Variants in AGBL4 observed in about 807,000 individuals in gnomAD.
The protein encoded by AGBL4 is AGBL carboxypeptidase 4, also known as cytosolic carboxypeptidase 6.
AGBL4 carries 58 observed loss-of-function variants against 66.4 expected under a neutral mutation model. The observed-to-expected ratio is 0.87, with a 90% CI of 0.71 to 1.09. The LOEUF is 1.09. Ranked by LOEUF, AGBL4 falls within the 50% of genes least tolerant of loss-of-function variation. The pLI is 0.00. For missense variants in AGBL4, 579 were observed against 631.0 expected (o/e 0.92, Z 0.88); for synonymous variants, 234 against 222.9 (o/e 1.05, Z -0.44).
intron 2 of AGBL4, among the ~76,000 whole-genome samples, chr1:49,711,345 T>G (rs568647372): frequency 1.3e-5 from 2 of 152,268 alleles, no homozygotes; most frequent in South Asian, 2.1e-4. Flanking sequence ...ACAACCTAAA[T>G]GCCTTTCAGT....
chr1:48,551,681 A>G (rs1644250853), intron 11 of AGBL4, among the ~76,000 whole-genome samples: 1 of 152,148 alleles, frequency 6.6e-6, no homozygotes, highest in African/African-American at 2.4e-5. Context: ...TTGGTATAAC[A>G]TCTTGTAGGT....
intron 3 of AGBL4, among the ~76,000 whole-genome samples, chr1:49,663,204 G>A (rs1646302966): frequency 6.6e-6 from 1 of 152,102 alleles, no homozygotes; most frequent in Admixed American, 6.6e-5. Flanking sequence ...AGACATAGAA[G>A]GGCAGAGACA....
At chr1:48,755,336 T>C (rs1265273204) in intron 6 of AGBL4, among the ~76,000 whole-genome samples, 2 of 152,190 alleles carry the variant, frequency 1.3e-5, no homozygotes, top group East Asian at 3.9e-4. Flanking sequence ...TCCAGACAGG[T>C]AGATTTCTTT....
intron 4 of AGBL4, among the ~76,000 whole-genome samples, chr1:49,184,342 T>G (rs1372000415): frequency 6.6e-6 from 1 of 152,180 alleles, no homozygotes; most frequent in Non-Finnish European, 1.5e-5. Flanking sequence ...AAGACTGTTT[T>G]AATCACTATA....
intron 2 of AGBL4, among the ~76,000 whole-genome samples, chr1:49,719,345 C>A (rs561880222): frequency 6.6e-6 from 1 of 152,232 alleles, no homozygotes; most frequent in East Asian, 1.9e-4. Flanking sequence ...ACAAAGTGTT[C>A]ACCTACGTGA....
chr1:49,535,070 T>C (rs904514636), intron 3 of AGBL4, among the ~76,000 whole-genome samples: 2 of 152,162 alleles, frequency 1.3e-5, no homozygotes, highest in Non-Finnish European at 2.9e-5. Flanking sequence ...TTGTCTTCAA[T>C]ATTGACACTT....
chr1:49,059,808 G>A lies in AGBL4; in HGVS notation c.378-14008C>T, dbSNP rs868123183. On this transcript the variant is annotated intron_variant, in intron 4 of 13. Coordinates refer to ENST00000371839, the MANE Select transcript of AGBL4 (RefSeq NM_032785.4). ...GGAACTTTAACATTCAGTGACGACC[G>A]ACCCTATTGGATTTCAGACTTGCAT... Among the ~76,000 whole-genome samples, 33 of 152,238 alleles carry A rather than the reference G, an allele frequency of 2.2e-4. 1 individual carries two copies. Among genetic ancestry groups the A allele is most frequent in the Non-Finnish European group, 3.8e-4 (26 of 68,028 alleles).
Position 49,755,209 on chromosome 1 carries a change from T to C in AGBL4, c.158-57772A>G, listed in dbSNP as rs557998290. 4.3e-4 allele frequency among the ~76,000 whole-genome samples: 66 copies of C among 152,320 alleles called. 1 individual carries two copies. In the South Asian group the frequency reaches 0.014, roughly 32 times the overall value. ...GTCATATTATTGCCATCAGCCAAGATAACAGAAGAGTAGTCTGTTTTTCAT... is the reference window on the plus strand; with the variant it reads ...GTCATATTATTGCCATCAGCCAAGACAACAGAAGAGTAGTCTGTTTTTCAT... On this transcript the variant is annotated intron_variant, in intron 2 of 13. Coordinates refer to ENST00000371839, the MANE Select transcript of AGBL4 (RefSeq NM_032785.4).
chr1:49,625,306 CAG>C (rs1161358156), intron 3 of AGBL4, among the ~76,000 whole-genome samples: 1 of 152,180 alleles, frequency 6.6e-6, no homozygotes, highest in African/African-American at 2.4e-5. Flanking sequence ...GTGACTGGCA[CAG>C]AGTAAGCACT....
intron 4 of AGBL4, among the ~76,000 whole-genome samples, chr1:49,085,435 G>A (rs1222274773): frequency 6.6e-6 from 1 of 151,954 alleles, no homozygotes; most frequent in African/African-American, 2.4e-5. Flanking sequence ...TAGCTTGCAG[G>A]TAGCAGCTTG....
At chr1:49,575,399 G>C (rs983430598) in intron 3 of AGBL4, among the ~76,000 whole-genome samples, 1 of 152,148 alleles carries the variant, frequency 6.6e-6, no homozygotes, top group African/African-American at 2.4e-5. Flanking sequence ...GGTAGGGTAA[G>C]GACTATTATG....
chr1:49,809,765 G>T (rs1216257442), intron 2 of AGBL4, among the ~76,000 whole-genome samples: 1 of 152,036 alleles, frequency 6.6e-6, no homozygotes, highest in Non-Finnish European at 1.5e-5. Flanking sequence ...TATAAAGAAA[G>T]GATAACAACC....
intron 7 of AGBL4, among the ~76,000 whole-genome samples, chr1:48,657,637 T>C (rs1243266649): frequency 6.6e-6 from 1 of 151,458 alleles, no homozygotes; most frequent in Non-Finnish European, 1.5e-5. Flanking sequence ...GTTCAGAGAG[T>C]CATGAGGTGC....
intron 6 of AGBL4, among the ~76,000 whole-genome samples, chr1:48,818,807 G>A (rs4926762): frequency 0.07 from 10,582 of 151,970 alleles, 502 homozygotes; most frequent in East Asian, 0.17. Flanking sequence ...TATAGCAACG[G>A]TGATAGTTTT....
In AGBL4 at chr1:49,632,943, G is replaced by A. The variant is rs943953789; in HGVS notation, c.282+64370C>T. Among the ~76,000 whole-genome samples the A allele has an allele frequency of 1.4e-4, 22 of 152,062 alleles. No homozygotes were observed. The East Asian group carries it at 2.1e-3, about 15-fold the overall frequency. On this transcript the variant is annotated intron_variant, in intron 3 of 13. Transcript: ENST00000371839. ...ATAAAAATTAGCCAGGCATGGTGGC[G>A]CGTGCCTGTAGTCCCAGCTACTCGG...
intron 4 of AGBL4, among the ~76,000 whole-genome samples, chr1:49,133,614 A>G (rs1343677421): frequency 6.6e-6 from 1 of 152,130 alleles, no homozygotes; most frequent in African/African-American, 2.4e-5. Context: ...TTGAGAAACA[A>G]ACACTCTTTT....
intron 2 of AGBL4, among the ~76,000 whole-genome samples, chr1:49,751,580 T>C: frequency 6.6e-6 from 1 of 152,198 alleles, no homozygotes; most frequent in South Asian, 2.1e-4. Flanking sequence ...AGTATCAGAA[T>C]GATGCTGGCC....
chr1:49,356,005 A>G (rs574435490), intron 3 of AGBL4, among the ~76,000 whole-genome samples: 3 of 152,282 alleles, frequency 2.0e-5, no homozygotes, highest in Middle Eastern at 3.4e-3. Flanking sequence ...CTTTACTACA[A>G]TGAAGAAATA....
intron 3 of AGBL4, among the ~76,000 whole-genome samples, chr1:49,416,454 G>A (rs967278952): frequency 1.3e-5 from 2 of 152,142 alleles, no homozygotes; most frequent in Middle Eastern, 3.4e-3. Context: ...ATATCTTGGA[G>A]CCACTATTTC....
Sources: gnomAD v4.1 joint callset for allele counts (sites outside exome capture counted in the v4.1 genomes callset) on GRCh38, gnomAD v4.1.1 for gene constraint, MANE v1.5 for transcripts, NCBI Gene and HGNC (gene_info 2026-07-23, HGNC 2026-07-21) for gene names.